LOXL2: variants seen among roughly 807,000 people sequenced by gnomAD.
The protein encoded by LOXL2 is lysyl oxidase homolog 2.
LOXL2 carries 70 observed loss-of-function variants against 93.0 expected under a neutral mutation model. The ratio of observed to expected loss-of-function variants is 0.75; its 90% CI spans 0.62 to 0.92. The LOEUF (loss-of-function observed/expected upper bound fraction) is 0.92, where lower values mean the gene tolerates loss of function less well. Ranked by LOEUF, LOXL2 falls within the 40% of genes least tolerant of loss-of-function variation. The pLI is 0.00. For missense variants in LOXL2, 973 were observed against 1,054.9 expected (o/e 0.92, Z 1.08); for synonymous variants, 438 against 413.2 (o/e 1.06, Z -0.73).
chr8:23,342,116 C>T (rs1803891594), intron 3 of LOXL2, among the ~76,000 whole-genome samples: 1 of 152,172 alleles, frequency 6.6e-6, no homozygotes, highest in African/African-American at 2.4e-5. Flanking sequence ...GCCTCCCTGC[C>T]ACGTGGGTGT....
intron 6 of LOXL2, among the ~76,000 whole-genome samples, chr8:23,324,934 T>C (rs1264166687): frequency 6.6e-6 from 1 of 152,190 alleles, no homozygotes; most frequent in Non-Finnish European, 1.5e-5. Context: ...CATTCCTTCT[T>C]GGGGACTGCA....
intron 1 of LOXL2, among the ~76,000 whole-genome samples, chr8:23,391,324 T>C (rs1804841241): frequency 6.6e-6 from 1 of 151,918 alleles, no homozygotes; most frequent in South Asian, 2.1e-4. Context: ...CATCTGAGAG[T>C]GGTCTCAGAT....
chr8:23,302,217 G>A (rs73673361), intron 11 of LOXL2, 54 bp from the exon 12 acceptor site: 61 of 1,602,576 alleles, frequency 3.8e-5, no homozygotes, highest in Non-Finnish European at 4.1e-5. Context: ...CCCCACTGCC[G>A]CACCCTCTTC....
chr8:23,324,274 T>C (rs1035266757), intron 6 of LOXL2, among the ~76,000 whole-genome samples: 18 of 152,162 alleles, frequency 1.2e-4, no homozygotes, highest in African/African-American at 4.3e-4. Flanking sequence ...AGTCTCCTTG[T>C]GGCTGAACGT....
intron 3 of LOXL2, among the ~76,000 whole-genome samples, chr8:23,348,401 A>T (rs1804029314): frequency 6.6e-6 from 1 of 151,622 alleles, no homozygotes; most frequent in Non-Finnish European, 1.5e-5. Flanking sequence ...AACTTAAAGT[A>T]TAATAACAAA....
intron 9 of LOXL2, among the ~76,000 whole-genome samples, chr8:23,314,821 AAAC>A (rs1225367182): frequency 9.3e-5 from 4 of 43,010 alleles, no homozygotes; most frequent in Non-Finnish European, 4.0e-5. Context: ...TACATAAATA[AAAC>A]GAAAAAAGAA....
rs1018879026 is a variant in LOXL2, at chr8:23,317,037, C to T, written c.1548G>A (p.Leu516=). 1 of 1,614,226 alleles carries T rather than the reference C, an allele frequency of 6.2e-7. No individual in the cohort carries two copies. The highest frequency in any genetic ancestry group is 8.5e-7 in the Non-Finnish European group (1 of 1,180,016). The change falls in exon 9 of 14, where the codon CTG becomes CTA. Residue 516 remains leucine, a synonymous_variant. Coordinates refer to ENST00000389131, the MANE Select transcript of LOXL2 (RefSeq NM_002318.3). ...MSGVKCSGTE[L]SLAHCRHDGE... ...CGTCGTGGCGGCAGTGCGCCAGGGA[C>T]AGCTCCGTTCCCGAGCACTTCACTC... is the stretch of plus-strand genomic sequence containing the variant.
intron 1 of LOXL2, among the ~76,000 whole-genome samples, chr8:23,388,331 A>T (rs186277262): frequency 5.4e-4 from 83 of 152,306 alleles, no homozygotes; most frequent in Non-Finnish European, 1.1e-3. Context: ...TAATCCTGGC[A>T]CTTTGGGAGG....
intron 3 of LOXL2, among the ~76,000 whole-genome samples, chr8:23,347,305 C>T (rs139541393): frequency 0.038 from 5,716 of 151,494 alleles, 208 homozygotes; most frequent in East Asian, 0.1. Context: ...TGCAGTGAGC[C>T]GAGATTGCGC....
chr8:23,356,781 GC>G (rs1309641036), intron 3 of LOXL2, among the ~76,000 whole-genome samples: 1 of 152,180 alleles, frequency 6.6e-6, no homozygotes, highest in African/African-American at 2.4e-5. Flanking sequence ...ATGTCACCTG[GC>G]CCTTTAAGCC....
chr8:23,319,786 A>C (rs577042532), intron 8 of LOXL2, 99 bp downstream of exon 8: 3 of 1,339,178 alleles, frequency 2.2e-6, no homozygotes, highest in East Asian at 4.6e-5. Context: ...TCCTGCCTGC[A>C]CGGCTAGGGA....
chr8:23,323,408 C>G (rs945518263), intron 6 of LOXL2, among the ~76,000 whole-genome samples: 2 of 152,250 alleles, frequency 1.3e-5, no homozygotes, highest in Admixed American at 6.5e-5. Context: ...CTCGCTGTCT[C>G]CTGCCTCCTG....
chr8:23,397,477 C>A (rs1257215340), intron 1 of LOXL2, among the ~76,000 whole-genome samples: 2 of 152,176 alleles, frequency 1.3e-5, no homozygotes, highest in Non-Finnish European at 2.9e-5. Flanking sequence ...GTGAAATCAT[C>A]TTTAGAAATA....
intron 12 of LOXL2, among the ~76,000 whole-genome samples, chr8:23,300,866 A>C (rs35624004): frequency 0.3 from 46,150 of 152,076 alleles, 7,348 homozygotes; most frequent in East Asian, 0.36. Flanking sequence ...CCTCAAACAG[A>C]AACCACCAGG....
chr8:23,345,421 C>T (rs1388072389), intron 3 of LOXL2, among the ~76,000 whole-genome samples: 3 of 152,190 alleles, frequency 2.0e-5, no homozygotes, highest in Non-Finnish European at 4.4e-5. Context: ...CACCCCATGT[C>T]GAGGGGCAGT....
At chr8:23,317,346 G>A (rs926306789) in intron 8 of LOXL2, among the ~76,000 whole-genome samples, 1 of 152,196 alleles carries the variant, frequency 6.6e-6, no homozygotes, top group African/African-American at 2.4e-5. Flanking sequence ...CTCCCTCAGG[G>A]AAGTAGAGCT....
At chr8:23,341,308 G>A (rs936096689) in intron 3 of LOXL2, 105 bp from the exon 4 acceptor site, 38 of 921,562 alleles carry the variant, frequency 4.1e-5, no homozygotes, top group African/African-American at 1.8e-4. Flanking sequence ...GGCCTGCCGC[G>A]GGCCTGCCTG....
chr8:23,324,369 T>C (rs781714387), intron 6 of LOXL2, among the ~76,000 whole-genome samples: 2 of 152,140 alleles, frequency 1.3e-5, no homozygotes, highest in Non-Finnish European at 2.9e-5. Flanking sequence ...CACATACCCA[T>C]GGTGCGTCCA....
chr8:23,339,781 G>C (rs977479948), intron 4 of LOXL2, among the ~76,000 whole-genome samples: 6 of 152,216 alleles, frequency 3.9e-5, no homozygotes, highest in Non-Finnish European at 8.8e-5. Context: ...CCATGTCTGG[G>C]GACTGGAATC....
Sources: gnomAD v4.1 joint callset for allele counts (sites outside exome capture counted in the v4.1 genomes callset) on GRCh38, gnomAD v4.1.1 for gene constraint, MANE v1.5 for transcripts, NCBI Gene and HGNC (gene_info 2026-07-23, HGNC 2026-07-21) for gene names.